The following CHURC1 variants were observed in gnomAD, a reference collection of about 807,000 sequenced individuals.
The protein encoded by CHURC1 is protein Churchill.
In CHURC1, 12 loss-of-function variants were observed where a neutral mutation model predicts 15.4. The observed-to-expected ratio is 0.78, with a 90% CI of 0.50 to 1.27. The LOEUF is 1.27. CHURC1 is among the 50% of genes most tolerant of loss of function. CHURC1 has a pLI of 0.00. For missense variants in CHURC1, 132 were observed against 137.8 expected (o/e 0.96, Z 0.21); for synonymous variants, 42 against 47.5 (o/e 0.88, Z 0.48).
intron 3 of CHURC1, among the ~76,000 whole-genome samples, 198 bp downstream of exon 3, chr14:64,926,278 C>T (rs1429133655): frequency 7.3e-6 from 1 of 137,060 alleles, no homozygotes; most frequent in Non-Finnish European, 1.5e-5. Flanking sequence ...AACTCCTGGG[C>T]TCAAGCAGTC....
intron 3 of CHURC1, among the ~76,000 whole-genome samples, chr14:64,926,768 CTGT>C (rs978841084): frequency 5.3e-5 from 8 of 152,198 alleles, no homozygotes; most frequent in African/African-American, 1.9e-4. Flanking sequence ...CACAGAACCA[CTGT>C]GAAGCTGGAG....
chr14:64,935,020 C>A lies in CHURC1; in HGVS notation c.*2790C>A. ...TTCACAGAATCCTTATTTTTCTGTT[C>A]AAATTAGGAATTAGGGACATGGATG... On this transcript the variant is annotated 3_prime_UTR_variant, in exon 4 of 4. Transcript: ENST00000549115. 2 of 982,464 alleles carry A rather than the reference C, an allele frequency of 2.0e-6. No individual in the cohort carries two copies. The highest frequency in any genetic ancestry group is 2.4e-6 in the Non-Finnish European group (2 of 827,406). The allele number at this position is 982,464 out of a possible 1,614,324, so 60.9% of individuals were successfully genotyped here.
In CHURC1 at chr14:64,934,973, A is replaced by G. The variant is rs1885259896; in HGVS notation, c.*2743A>G. On this transcript the variant is annotated 3_prime_UTR_variant, in exon 4 of 4. Coordinates refer to ENST00000549115, the MANE Select transcript of CHURC1 (RefSeq NM_001386928.1). Reference sequence around the variant, plus strand: ...TTTTCTAGATTCTTATGTGGATCTAATAACGACCACTTGAACCCAGTTTCA... The same window carrying G: ...TTTTCTAGATTCTTATGTGGATCTAGTAACGACCACTTGAACCCAGTTTCA... The G allele has an allele frequency of 2.0e-6, 2 of 984,362 alleles. No homozygotes were observed. Among genetic ancestry groups the G allele is most frequent in the South Asian group, 4.7e-5 (1 of 21,254 alleles). 61.0% of individuals were successfully genotyped at this position (984,362 alleles called of 1,614,324 possible). A position where few individuals can be genotyped will look rare whatever the true frequency, so the allele number is the denominator to read the frequency against.
chr14:64,922,794 A>G (rs149952255), intron 1 of CHURC1, among the ~76,000 whole-genome samples: 263 of 152,204 alleles, frequency 1.7e-3, no homozygotes, highest in African/African-American at 6.0e-3. Context: ...GAAGGGAGAG[A>G]TTAATTCTCC....
chr14:64,935,280 C>A lies in CHURC1; in HGVS notation c.*3050C>A. On this transcript the variant is annotated 3_prime_UTR_variant, in exon 4 of 4. Transcript: ENST00000549115. ...AGCACACCAGCATGGCACATGTATA[C>A]GTATGTAACTAACCTGCACATCGTG... is the stretch of plus-strand genomic sequence containing the variant. 1 of 405,918 alleles carries A rather than the reference C, an allele frequency of 2.5e-6. No individual in the cohort carries two copies. The highest frequency in any genetic ancestry group is 3.3e-6 in the Non-Finnish European group (1 of 300,582). The allele number at this position is 405,918 out of a possible 1,614,324, so 25.1% of individuals were successfully genotyped here. A position where few individuals can be genotyped will look rare whatever the true frequency, so the allele number is the denominator to read the frequency against.
At chr14:64,914,631 C>T (rs997276915) in intron 1 of CHURC1, 97 bp downstream of exon 1, 142 of 1,582,382 alleles carry the variant, frequency 9.0e-5, no homozygotes, top group African/African-American at 4.3e-4. Flanking sequence ...GGGGCGGACT[C>T]GGCCGCACTG....
rs1422935503 is a variant in CHURC1, at chr14:64,933,282, T to G, written c.*1052T>G. 1.4e-6 allele frequency: 1 copy of G among 723,610 alleles called. No homozygotes were observed. Among genetic ancestry groups the G allele is most frequent in the Non-Finnish European group, 1.7e-6 (1 of 590,836 alleles). The allele number at this position is 723,610 out of a possible 1,614,324, so 44.8% of individuals were successfully genotyped here. On this transcript the variant is annotated 3_prime_UTR_variant, in exon 4 of 4. Coordinates refer to ENST00000549115, the MANE Select transcript of CHURC1 (RefSeq NM_001386928.1). Reference sequence around the variant, plus strand: ...ATGTAATGTGGTATCCTACATGGAATTATATACCACGAAAAGAAAAAAAGG... The same window carrying G: ...ATGTAATGTGGTATCCTACATGGAAGTATATACCACGAAAAGAAAAAAAGG...
chr14:64,934,475 A>G lies in CHURC1; in HGVS notation c.*2245A>G. On this transcript the variant is annotated 3_prime_UTR_variant, in exon 4 of 4. Transcript: ENST00000549115. The stretch of plus-strand genomic sequence containing the variant: ...CAAATATGAAATACAAGGATCTGGC[A>G]AGGTTAGGAAGAGGTTAAGAATATC... The G allele has an allele frequency of 1.0e-6, 1 of 985,446 alleles. No homozygotes were observed. The highest frequency in any genetic ancestry group is 4.7e-5 in the South Asian group (1 of 21,290). The allele number at this position is 985,446 out of a possible 1,614,324, so 61.0% of individuals were successfully genotyped here.
In CHURC1 at chr14:64,934,635, CCTG is replaced by C; in HGVS notation, c.*2409_*2411del. 1 of 985,382 alleles carries C rather than the reference CCTG, an allele frequency of 1.0e-6. No individual in the cohort carries two copies. Among genetic ancestry groups the C allele is most frequent in the Non-Finnish European group, 1.2e-6 (1 of 829,926 alleles). 61.0% of individuals were successfully genotyped at this position (985,382 alleles called of 1,614,324 possible). A position where few individuals can be genotyped will look rare whatever the true frequency, so the allele number is the denominator to read the frequency against. ...CATTTTGCTGCAAATCTATATCTGA[CCTG>C]CTGAGGAAATCGTTTGGTGAAATGA... On this transcript the variant is annotated 3_prime_UTR_variant, in exon 4 of 4. Coordinates refer to ENST00000549115, the MANE Select transcript of CHURC1 (RefSeq NM_001386928.1).
At chr14:64,919,992 A>G (rs1884161949) in intron 1 of CHURC1, among the ~76,000 whole-genome samples, 1 of 152,038 alleles carries the variant, frequency 6.6e-6, no homozygotes, top group Non-Finnish European at 1.5e-5. Context: ...CTGAGAGAAT[A>G]CAGTAGAGAA....
chr14:64,926,606 T>C (rs1884725518), intron 3 of CHURC1, among the ~76,000 whole-genome samples: 1 of 152,208 alleles, frequency 6.6e-6, no homozygotes, highest in African/African-American at 2.4e-5. Context: ...GCCACCATAC[T>C]TGCCCAGCAT....
intron 1 of CHURC1, among the ~76,000 whole-genome samples, chr14:64,915,409 C>G (rs1308837947): frequency 1.3e-5 from 2 of 152,196 alleles, no homozygotes; most frequent in Non-Finnish European, 2.9e-5. Flanking sequence ...TTCAGAAATG[C>G]TATTCAAGTT....
chr14:64,917,441 TA>T (rs1313717085), intron 1 of CHURC1, among the ~76,000 whole-genome samples: 2 of 151,638 alleles, frequency 1.3e-5, no homozygotes, highest in Non-Finnish European at 2.9e-5. Context: ...GAGGCGCCTG[TA>T]ATCCCAGCTA....
chr14:64,924,081 A>C lies in CHURC1; in HGVS notation c.130A>C (p.Lys44Gln). ...SKRDFMLITN[K>Q]SLKEEDGEEI... ...GCGGGATTTTATGCTGATCACAAAC[A>C]AATCCTTGAAAGAAGAAGATGGAGA... Residue 44 changes from lysine to glutamine, a missense_variant, in exon 2 of 4, where the codon AAA (lysine) becomes CAA (glutamine). By Grantham distance (53) the Lys-to-Gln change is moderately conservative (BLOSUM62 1). Coordinates refer to ENST00000549115, the MANE Select transcript of CHURC1 (RefSeq NM_001386928.1). 6.2e-7 allele frequency: 1 copy of C among 1,608,004 alleles called. No homozygotes were observed.
Position 64,933,914 on chromosome 14 carries a change from A to C in CHURC1, c.*1684A>C. 1 of 984,948 alleles carries C rather than the reference A, an allele frequency of 1.0e-6. No individual in the cohort carries two copies. The highest frequency in any genetic ancestry group is 4.7e-5 in the South Asian group (1 of 21,280). 61.0% of individuals were successfully genotyped at this position (984,948 alleles called of 1,614,324 possible). A position where few individuals can be genotyped will look rare whatever the true frequency, so the allele number is the denominator to read the frequency against. On this transcript the variant is annotated 3_prime_UTR_variant, in exon 4 of 4. Coordinates refer to ENST00000549115, the MANE Select transcript of CHURC1 (RefSeq NM_001386928.1). ...ATTTAATCCTCATTAACAAATTCAT[A>C]AGGTAGGTGCTATTGATAGTTTAGC... is the stretch of plus-strand genomic sequence containing the variant.
Position 64,932,107 on chromosome 14 carries a change from C to T in CHURC1, c.247-31C>T, listed in dbSNP as rs79156210. On this transcript the variant is annotated intron_variant, in intron 3 of 3. Coordinates refer to ENST00000549115, the MANE Select transcript of CHURC1 (RefSeq NM_001386928.1). ...ATAAAGCATCTTTTTCCCTGTTCCT[C>T]TAGGTAATTATGCACTTTATCTTGT... 3.5e-3 allele frequency: 5,518 copies of T among 1,599,122 alleles called. 183 individuals carry two copies. The African/African-American group carries it at 0.062, about 18-fold the overall frequency.
At chr14:64,930,111 T>G (rs935181731) in intron 3 of CHURC1, among the ~76,000 whole-genome samples, 2 of 147,600 alleles carry the variant, frequency 1.4e-5, no homozygotes, top group African/African-American at 5.0e-5. Context: ...AGTAAAGCCC[T>G]CAGAATAAAA....
chr14:64,921,912 A>G (rs1418728492), intron 1 of CHURC1, among the ~76,000 whole-genome samples: 1 of 152,224 alleles, frequency 6.6e-6, no homozygotes. Context: ...GCTGAATCCT[A>G]CAGGGAATAC....
Position 64,923,273 on chromosome 14 carries a change from CA to C in CHURC1, c.40-704del, listed in dbSNP as rs563823780. On this transcript the variant is annotated intron_variant, in intron 1 of 3. Transcript: ENST00000549115. The stretch of plus-strand genomic sequence containing the variant: ...CATAGCAAGACCCCATCTCAATTAC[CA>C]AAAAAAAAAAAAAGGCTTCCTTTGA... Among the ~76,000 whole-genome samples, 339 of 103,130 alleles carry C rather than the reference CA, an allele frequency of 3.3e-3. 1 individual carries two copies. The highest frequency in any genetic ancestry group is 5.1e-3 in the Middle Eastern group (1 of 196). The allele number at this position is 103,130 out of a possible 152,430, so 67.7% of individuals were successfully genotyped here.
Sources: allele counts gnomAD v4.1 joint callset (sites outside exome capture counted in the v4.1 genomes callset), GRCh38; gene constraint gnomAD v4.1.1; transcripts MANE v1.5; gene names NCBI Gene and HGNC (gene_info 2026-07-23, HGNC 2026-07-21).